Variants in H2AZ2 observed in about 807,000 individuals in gnomAD.
H2AZ2 encodes the protein histone H2A.V.
Under a neutral mutation model 15.5 loss-of-function variants are expected in H2AZ2, and 5 were observed. The observed-to-expected ratio is 0.32, with a 90% CI of 0.17 to 0.68. The LOEUF is 0.68. Among genes scored for constraint, H2AZ2 ranks in the 30% least tolerant of loss-of-function variants. H2AZ2 has a pLI of 0.72. For synonymous variants in H2AZ2, 44 were observed against 57.4 expected (o/e 0.77, Z 1.05); for missense variants, 42 against 162.5 (o/e 0.26, Z 4.03).
At chr7:44,835,737 C>A (rs1037421583) in intron 3 of H2AZ2, 79 bp from the exon 4 acceptor site, 20 of 1,245,616 alleles carry the variant, frequency 1.6e-5, no homozygotes, top group Non-Finnish European at 2.1e-5. Context: ...TTTGTACATA[C>A]AAAATGCACA....
downstream of H2AZ2, chr7:44,828,080 A>G (rs916770694): frequency 2.6e-5 from 4 of 152,118 alleles, no homozygotes; most frequent in African/African-American, 9.7e-5. Context: ...AGCAATTAGT[A>G]TATTTTTTGA....
At chr7:44,846,072 C>G (rs71537749) in intron 1 of H2AZ2, among the ~76,000 whole-genome samples, 15,669 of 84,196 alleles carry the variant, frequency 0.19, 1,018 homozygotes, top group Middle Eastern at 0.27. Flanking sequence ...CAGAGAGAGA[C>G]AGAGAGAGAG....
Position 44,835,509 on chromosome 7 carries a change from G to A in H2AZ2, c.325+20C>T, listed in dbSNP as rs1793097957. On this transcript the variant is annotated intron_variant, in intron 4 of 4. Transcript: ENST00000308153. ...GTCAGAAAGACCAATAAGAATCAAG[G>A]CTTAAGTAGTAATACATACCACCCC... 1 of 1,607,898 alleles carries A rather than the reference G, an allele frequency of 6.2e-7. No homozygotes were observed. The highest frequency in any genetic ancestry group is 8.5e-7 in the Non-Finnish European group (1 of 1,175,966).
At chr7:44,834,707 AG>A (rs1793074583) in intron 4 of H2AZ2, 145 bp from the exon 5 acceptor site, 2 of 653,654 alleles carry the variant, frequency 3.1e-6, no homozygotes, top group African/African-American at 1.8e-5. Context: ...GCTACACCCC[AG>A]GGGTCTGTGA....
intron 3 of H2AZ2, among the ~76,000 whole-genome samples, chr7:44,837,165 G>C (rs1436405286): frequency 6.6e-6 from 1 of 151,924 alleles, no homozygotes; most frequent in East Asian, 1.9e-4. Context: ...GCCTCCCAAA[G>C]TGTTGGGATT....
chr7:44,838,620 T>G (rs1242964684), intron 3 of H2AZ2, among the ~76,000 whole-genome samples: 1 of 152,014 alleles, frequency 6.6e-6, no homozygotes, highest in East Asian at 1.9e-4. Context: ...GTCCCTGCCT[T>G]CCAGCCTGGG....
chr7:44,835,857 C>T (rs1187291560), intron 3 of H2AZ2, among the ~76,000 whole-genome samples, 199 bp from the exon 4 acceptor site: 1 of 151,650 alleles, frequency 6.6e-6, no homozygotes, highest in African/African-American at 2.4e-5. Context: ...AACAGAGACA[C>T]AAACTTGAGC....
rs778936011 is a variant in H2AZ2, at chr7:44,833,005, T to C, written c.*1496A>G. Among the ~76,000 whole-genome samples the C allele has an allele frequency of 2.0e-5, 3 of 152,086 alleles. No homozygotes were observed. The highest frequency in any genetic ancestry group is 7.2e-5 in the African/African-American group (3 of 41,422). The stretch of plus-strand genomic sequence containing the variant: ...ATAAATAAATATAATTTTTAAAAGA[T>C]TGTACAAATTACTGTTATTGCATGA... On this transcript the variant is annotated 3_prime_UTR_variant, in exon 5 of 5. Coordinates refer to ENST00000308153, the MANE Select transcript of H2AZ2 (RefSeq NM_012412.5).
intron 3 of H2AZ2, among the ~76,000 whole-genome samples, chr7:44,840,227 T>C (rs1440182195): frequency 6.6e-6 from 1 of 151,780 alleles, no homozygotes; most frequent in East Asian, 1.9e-4. Flanking sequence ...AGATAAGAGA[T>C]TGCTGGCCCT....
chr7:44,842,688 AAT>A (rs1320951290), intron 2 of H2AZ2, among the ~76,000 whole-genome samples: 7 of 152,298 alleles, frequency 4.6e-5, no homozygotes, highest in African/African-American at 1.7e-4. Flanking sequence ...TCTAATTGGG[AAT>A]ATACATGGAG....
Position 44,834,346 on chromosome 7 carries a change from C to T in H2AZ2, c.*155G>A. ...AAGGTACTTTTATCAAACTTCGAGT[C>T]TAAGAACATACAAATGTTTCTTTTA... On this transcript the variant is annotated 3_prime_UTR_variant, in exon 5 of 5. Transcript: ENST00000308153. 2 of 1,341,226 alleles carry T rather than the reference C, an allele frequency of 1.5e-6. No homozygotes were observed. The highest frequency in any genetic ancestry group is 2.6e-5 in the East Asian group (1 of 38,504). The allele number at this position is 1,341,226 out of a possible 1,614,324, so 83.1% of individuals were successfully genotyped here.
At chr7:44,831,825 T>C (rs1361086273), downstream of H2AZ2, among the ~76,000 whole-genome samples, 5 of 152,196 alleles carry the variant, frequency 3.3e-5, no homozygotes, top group African/African-American at 1.2e-4. Context: ...TAGAGAACTT[T>C]TGTAATGAAT....
At chr7:44,843,468 T>A (rs564745568) in intron 1 of H2AZ2, 114 bp from the exon 2 acceptor site, 1 of 639,270 alleles carries the variant, frequency 1.6e-6, no homozygotes, top group African/African-American at 1.8e-5. Flanking sequence ...AATATGTAGG[T>A]GATCCCCTTC....
chr7:44,835,367 C>T (rs41280660), intron 4 of H2AZ2, 162 bp downstream of exon 4: 171,217 of 506,072 alleles, frequency 0.34, 32,479 homozygotes, highest in Non-Finnish European at 0.4. Flanking sequence ...AATATTTATT[C>T]AGATCATTAT....
At chr7:44,835,685 C>A (rs778851114) in intron 3 of H2AZ2, 27 bp from the exon 4 acceptor site, 1 of 1,550,480 alleles carries the variant, frequency 6.4e-7, no homozygotes, top group South Asian at 1.2e-5. Context: ...ATTAGCATAT[C>A]AAATGAAGGA....
rs1308218322 is a variant in H2AZ2 at position 44,832,783 on chromosome 7, TTACA to T, written c.*1714_*1717del. Among the ~76,000 whole-genome samples, 1 of 151,944 alleles carries T rather than the reference TTACA, an allele frequency of 6.6e-6. No homozygotes were observed. The highest frequency in any genetic ancestry group is 2.4e-5 in the African/African-American group (1 of 41,362). On this transcript the variant is annotated 3_prime_UTR_variant, in exon 5 of 5. Transcript: ENST00000308153. ...GGCAACATAGGGAGACCTCTGTCTCTTACATAAATAAAAAAAATTAGCCAGGTAT... is the reference window on the plus strand; with the variant it reads ...GGCAACATAGGGAGACCTCTGTCTCTTAAATAAAAAAAATTAGCCAGGTAT...
In H2AZ2 at chr7:44,833,511, AGGCGTGAGCCACCGCGCCTGGCCGAGAC is replaced by A. The variant is rs1425599372; in HGVS notation, c.*962_*989del. ...TGGCCTCCCAAAGTGCTGGGATTAC[AGGCGTGAGCCACCGCGCCTGGCCGAGAC>A]GGCGTTTTACCATGTTGGCCAGGCT... On this transcript the variant is annotated 3_prime_UTR_variant, in exon 5 of 5. Coordinates refer to ENST00000308153, the MANE Select transcript of H2AZ2 (RefSeq NM_012412.5). The A allele has an allele frequency of 6.0e-6, 1 of 168,044 alleles. No individual in the cohort carries two copies. Among genetic ancestry groups the A allele is most frequent in the Non-Finnish European group, 1.2e-5 (1 of 82,680 alleles). 10.4% of individuals were successfully genotyped at this position (168,044 alleles called of 1,614,324 possible). A position where few individuals can be genotyped will look rare whatever the true frequency, so the allele number is the denominator to read the frequency against.
intron 4 of H2AZ2, chr7:44,835,251 A>G: frequency 2.5e-6 from 1 of 403,668 alleles, no homozygotes; most frequent in Non-Finnish European, 4.4e-6. Flanking sequence ...AAACACAGTT[A>G]AAAAAGTATG....
chr7:44,840,720 G>A (rs539555666), intron 3 of H2AZ2, among the ~76,000 whole-genome samples, 179 bp downstream of exon 3: 17 of 152,282 alleles, frequency 1.1e-4, no homozygotes, highest in Non-Finnish European at 2.4e-4. Context: ...GCAGTGAGCC[G>A]AGACTGGCCA....
Sources: allele counts gnomAD v4.1 joint callset (sites outside exome capture counted in the v4.1 genomes callset), GRCh38; gene constraint gnomAD v4.1.1; transcripts MANE v1.5; gene names NCBI Gene and HGNC (gene_info 2026-07-23, HGNC 2026-07-21).